Variants in SLC35D4 observed in about 807,000 individuals in gnomAD.
The protein encoded by SLC35D4 is solute carrier family 35 member D4, also known as UDP-N-acetylglucosamine transporter SLC35D4.
chr18:23,379,264 C>T, the SLC35D4 span, among the ~76,000 whole-genome samples: 1 of 152,000 alleles, frequency 6.6e-6, no homozygotes, highest in East Asian at 1.9e-4. Flanking sequence ...GCTGGGATTA[C>T]AGGTGTGTGC....
At chr18:23,305,595 C>T in the SLC35D4 span, among the ~76,000 whole-genome samples, 14 of 152,092 alleles carry the variant, frequency 9.2e-5, no homozygotes, top group African/African-American at 3.4e-4. Context: ...AGTAGTTGCC[C>T]AATAAATGGT....
chr18:23,352,364 T>C, the SLC35D4 span: 4 of 1,167,786 alleles, frequency 3.4e-6, no homozygotes, highest in Admixed American at 5.1e-5. Flanking sequence ...GTCTGCTACA[T>C]TTTACCAATC....
the SLC35D4 span, among the ~76,000 whole-genome samples, chr18:23,308,982 C>T: frequency 9.0e-4 from 136 of 150,984 alleles, no homozygotes; most frequent in Non-Finnish European, 1.5e-3. Context: ...AAAATGGTGT[C>T]GTGTTTGCCT....
the SLC35D4 span, among the ~76,000 whole-genome samples, chr18:23,291,685 C>A: frequency 6.6e-6 from 1 of 152,206 alleles, no homozygotes; most frequent in Non-Finnish European, 1.5e-5. Context: ...GTCAGAAGAC[C>A]AAGGCAGACA....
chr18:23,275,638 T>C, the SLC35D4 span, among the ~76,000 whole-genome samples: 146 of 145,546 alleles, frequency 1.0e-3, 2 homozygotes, highest in African/African-American at 3.5e-3. Context: ...TGTGCTGTGC[T>C]GTGCTGTGCT....
the SLC35D4 span, among the ~76,000 whole-genome samples, chr18:23,302,181 A>G: frequency 3.9e-5 from 6 of 152,240 alleles, no homozygotes; most frequent in South Asian, 8.3e-4. Context: ...CCTGTGCAGC[A>G]AGTGCCTACG....
At chr18:23,408,269 A>G in the SLC35D4 span, among the ~76,000 whole-genome samples, 7 of 152,166 alleles carry the variant, frequency 4.6e-5, no homozygotes, top group African/African-American at 1.7e-4. Context: ...TTGTCTGTCT[A>G]CCTCAACTAG....
the SLC35D4 span, among the ~76,000 whole-genome samples, chr18:23,244,177 A>G: frequency 3.3e-4 from 50 of 152,316 alleles, no homozygotes; most frequent in Non-Finnish European, 6.5e-4. Context: ...TCTCAGGGCC[A>G]GTCACCTGGT....
the SLC35D4 span, chr18:23,310,414 C>T: frequency 2.9e-6 from 1 of 346,140 alleles, no homozygotes; most frequent in African/African-American, 2.2e-5. Context: ...AGGACTCAGA[C>T]CCCAGAAGTG....
chr18:23,358,443 AG>A, the SLC35D4 span, among the ~76,000 whole-genome samples: 1 of 138,422 alleles, frequency 7.2e-6, no homozygotes, highest in Non-Finnish European at 1.6e-5. Flanking sequence ...AGGGAGGAAA[AG>A]AAAGAAAGAA....
At chr18:23,268,406 T>C in the SLC35D4 span, among the ~76,000 whole-genome samples, 7,707 of 152,186 alleles carry the variant, frequency 0.051, 373 homozygotes, top group African/African-American at 0.12. Flanking sequence ...GCGGTCTTAG[T>C]AGGGCTAGCT....
the SLC35D4 span, among the ~76,000 whole-genome samples, chr18:23,342,236 T>C: frequency 6.6e-6 from 1 of 152,222 alleles, no homozygotes; most frequent in African/African-American, 2.4e-5. Context: ...AGTCAATTTC[T>C]TTCTCTAAGA....
chr18:23,328,908 T>C, the SLC35D4 span, among the ~76,000 whole-genome samples: 1 of 152,126 alleles, frequency 6.6e-6, no homozygotes, highest in Non-Finnish European at 1.5e-5. Context: ...ACCACACATC[T>C]ACAACCATCT....
the SLC35D4 span, among the ~76,000 whole-genome samples, chr18:23,417,718 A>C: frequency 2.0e-4 from 31 of 152,354 alleles, no homozygotes; most frequent in African/African-American, 7.5e-4. Flanking sequence ...TAAACAAAAA[A>C]ATTTTTCATG....
At chr18:23,313,142 A>AAAAAAAAAAAAAAAAAAAG in the SLC35D4 span, among the ~76,000 whole-genome samples, 1 of 141,568 alleles carries the variant, frequency 7.1e-6, no homozygotes, top group Non-Finnish European at 1.5e-5. Context: ...AAAAAAAAAA[A>AAAAAAAAAAAAAAAAAAAG]AAAAAAAAAA....
chr18:23,253,684 T>A, the SLC35D4 span: 4 of 1,543,334 alleles, frequency 2.6e-6, no homozygotes, highest in Non-Finnish European at 2.7e-6. Context: ...CCACTGAAAC[T>A]CTAAGTTTTC....
chr18:23,339,528 G>T, the SLC35D4 span, among the ~76,000 whole-genome samples: 3 of 152,168 alleles, frequency 2.0e-5, no homozygotes, highest in South Asian at 4.1e-4. Flanking sequence ...TCATCACAAC[G>T]TTTGTGCACT....
At chr18:23,267,418 C>T in the SLC35D4 span, among the ~76,000 whole-genome samples, 2 of 152,084 alleles carry the variant, frequency 1.3e-5, no homozygotes, top group African/African-American at 2.4e-5. Context: ...CCACCTGTCC[C>T]GTGCCAGCCC....
the SLC35D4 span, chr18:23,258,427 GCTGA>G: frequency 2.0e-5 from 3 of 152,278 alleles, no homozygotes; most frequent in African/African-American, 7.2e-5. Context: ...CTGTGGTTAA[GCTGA>G]CTAAGGAGGC....
Sources: gnomAD v4.1 joint callset for allele counts (sites outside exome capture counted in the v4.1 genomes callset) on GRCh38, gnomAD v4.1.1 for gene constraint, MANE v1.5 for transcripts, NCBI Gene and HGNC (gene_info 2026-07-23, HGNC 2026-07-21) for gene names.